Variants in ARHGAP15 observed in about 807,000 individuals in gnomAD.
The protein encoded by ARHGAP15 is rho GTPase-activating protein 15.
In ARHGAP15, 51 loss-of-function variants were observed where a neutral mutation model predicts 63.7. That is an observed-to-expected ratio of 0.80 (90% CI 0.64 to 1.01). The LOEUF (loss-of-function observed/expected upper bound fraction) is 1.01. ARHGAP15 is among the 50% of genes least tolerant of loss of function. The pLI is 0.00. For synonymous variants in ARHGAP15, 191 were observed against 193.8 expected, an observed-to-expected ratio of 0.99 and a Z score of 0.12; for missense variants, 560 against 564.6, an observed-to-expected ratio of 0.99 and a Z score of 0.08.
chr2:143,267,978 C>T (rs1035115587), intron 6 of ARHGAP15, among the ~76,000 whole-genome samples: 1 of 151,934 alleles, frequency 6.6e-6, no homozygotes, highest in African/African-American at 2.4e-5. Flanking sequence ...AGAAAGAAAA[C>T]CCCACATTTT....
intron 12 of ARHGAP15, among the ~76,000 whole-genome samples, chr2:143,634,179 T>C (rs1680187712): frequency 6.6e-6 from 1 of 152,096 alleles, no homozygotes; most frequent in Non-Finnish European, 1.5e-5. Flanking sequence ...CTGGCTCTTC[T>C]TTGAATACCC....
chr2:143,362,162 G>A (rs1481333120), intron 6 of ARHGAP15, among the ~76,000 whole-genome samples: 1 of 152,148 alleles, frequency 6.6e-6, no homozygotes, highest in Non-Finnish European at 1.5e-5. Flanking sequence ...CTGGTTGGAT[G>A]TATCCTTTTT....
chr2:143,279,601 A>G (rs1681743007), intron 6 of ARHGAP15, among the ~76,000 whole-genome samples: 1 of 152,132 alleles, frequency 6.6e-6, no homozygotes, highest in Non-Finnish European at 1.5e-5. Context: ...CTTTTGAGCT[A>G]TACATTTTTA....
chr2:143,145,961 C>T (rs1460597978), intron 1 of ARHGAP15, among the ~76,000 whole-genome samples: 1 of 150,158 alleles, frequency 6.7e-6, no homozygotes, highest in African/African-American at 2.5e-5. Flanking sequence ...ACATTATTTC[C>T]AGATGAATCA....
At chr2:143,654,690 A>C (rs1438066713) in intron 12 of ARHGAP15, among the ~76,000 whole-genome samples, 1 of 152,226 alleles carries the variant, frequency 6.6e-6, no homozygotes, top group Non-Finnish European at 1.5e-5. Flanking sequence ...CACCGTTTTG[A>C]ACTGTCAGTC....
chr2:143,663,210 G>T (rs562581150), intron 12 of ARHGAP15, among the ~76,000 whole-genome samples: 11,905 of 132,084 alleles, frequency 0.09, 325 homozygotes, highest in East Asian at 0.14. Context: ...GACTAACAGC[G>T]GATCTCTCGG....
intron 6 of ARHGAP15, among the ~76,000 whole-genome samples, chr2:143,294,518 C>T (rs1682550290): frequency 6.6e-6 from 1 of 152,052 alleles, no homozygotes; most frequent in Admixed American, 6.6e-5. Flanking sequence ...CCTGACTCTT[C>T]CCATGTGATG....
At chr2:143,401,706 A>C (rs1687993736) in intron 6 of ARHGAP15, among the ~76,000 whole-genome samples, 1 of 151,962 alleles carries the variant, frequency 6.6e-6, no homozygotes, top group Non-Finnish European at 1.5e-5. Context: ...CTTTATTTCT[A>C]ATTACTTATA....
intron 12 of ARHGAP15, among the ~76,000 whole-genome samples, chr2:143,633,422 A>T (rs1317576233): frequency 6.6e-6 from 1 of 152,170 alleles, no homozygotes; most frequent in Non-Finnish European, 1.5e-5. Context: ...TAAAACTAGA[A>T]GGTGATTCAG....
chr2:143,337,396 T>G (rs1475338555), intron 6 of ARHGAP15, among the ~76,000 whole-genome samples: 1 of 152,184 alleles, frequency 6.6e-6, no homozygotes, highest in Non-Finnish European at 1.5e-5. Context: ...TGATGTTGTT[T>G]TTTTGGCATG....
intron 6 of ARHGAP15, among the ~76,000 whole-genome samples, chr2:143,333,773 G>T (rs72851590): frequency 6.6e-6 from 1 of 152,082 alleles, no homozygotes; most frequent in African/African-American, 2.4e-5. Flanking sequence ...AACAAGATTC[G>T]GGAAATATAG....
At chr2:143,226,753 T>C (rs1693227474) in intron 4 of ARHGAP15, among the ~76,000 whole-genome samples, 1 of 152,200 alleles carries the variant, frequency 6.6e-6, no homozygotes, top group Non-Finnish European at 1.5e-5. Context: ...GTGTTTGTAT[T>C]TGGATGTTGA....
chr2:143,301,819 A>G (rs1046968776), intron 6 of ARHGAP15, among the ~76,000 whole-genome samples: 9 of 151,584 alleles, frequency 5.9e-5, no homozygotes, highest in African/African-American at 2.2e-4. Flanking sequence ...ATATGTATAT[A>G]CATATATATG....
chr2:143,512,244 G>A (rs1351850927), intron 9 of ARHGAP15, among the ~76,000 whole-genome samples: 1 of 152,180 alleles, frequency 6.6e-6, no homozygotes, highest in African/African-American at 2.4e-5. Flanking sequence ...TAAAAAGAGG[G>A]TTCCTCTCTC....
chr2:143,736,802 G>A (rs868669986), intron 13 of ARHGAP15, among the ~76,000 whole-genome samples: 2 of 152,324 alleles, frequency 1.3e-5, no homozygotes, highest in South Asian at 4.1e-4. Flanking sequence ...GAAATAGAAT[G>A]AAGGACTAGA....
chr2:143,677,546 C>T (rs1682888204), intron 12 of ARHGAP15, among the ~76,000 whole-genome samples: 1 of 152,204 alleles, frequency 6.6e-6, no homozygotes, highest in Non-Finnish European at 1.5e-5. Context: ...AAACTCTGCT[C>T]ACTATCTCTG....
intron 5 of ARHGAP15, among the ~76,000 whole-genome samples, chr2:143,233,917 T>C (rs1693543568): frequency 6.6e-6 from 1 of 152,120 alleles, no homozygotes; most frequent in Non-Finnish European, 1.5e-5. Context: ...AGTGCTGGGA[T>C]TACAGGTGTC....
rs1688273727 is a variant in ARHGAP15 at position 143,407,983 on chromosome 2, G to GTGTGTA, written c.475-27616_475-27611dup. The stretch of plus-strand genomic sequence containing the variant: ...TGGGTTTTTAAAGTCTGACTTCTGT[G>GTGTGTA]TGTGTATATATATATATATATATAT... On this transcript the variant is annotated intron_variant, in intron 6 of 13. Coordinates refer to ENST00000295095, the MANE Select transcript of ARHGAP15 (RefSeq NM_018460.4). Among the ~76,000 whole-genome samples the GTGTGTA allele has an allele frequency of 8.4e-5, 7 of 83,068 alleles. 1 individual carries two copies. Among genetic ancestry groups the GTGTGTA allele is most frequent in the South Asian group, 7.6e-4 (2 of 2,628 alleles). The allele number at this position is 83,068 out of a possible 152,430, so 54.5% of individuals were successfully genotyped here.
At chr2:143,147,367 G>GA (rs1689632981) in intron 1 of ARHGAP15, among the ~76,000 whole-genome samples, 1 of 152,004 alleles carries the variant, frequency 6.6e-6, no homozygotes, top group Non-Finnish European at 1.5e-5. Flanking sequence ...GCAAGAGGCG[G>GA]AAAATCGCTC....
Sources: allele counts gnomAD v4.1 joint callset (sites outside exome capture counted in the v4.1 genomes callset), GRCh38; gene constraint gnomAD v4.1.1; transcripts MANE v1.5; gene names NCBI Gene and HGNC (gene_info 2026-07-23, HGNC 2026-07-21).